Variants in CNNM2 observed in about 807,000 individuals in gnomAD.
CNNM2 encodes cyclin and CBS domain divalent metal cation transport mediator 2.
CNNM2 carries 12 observed loss-of-function variants against 66.9 expected under a neutral mutation model. That is an observed-to-expected ratio of 0.18 (90% CI 0.11 to 0.29). CNNM2 has a LOEUF of 0.29. Among genes scored for constraint, CNNM2 ranks in the 10% least tolerant of loss-of-function variants. CNNM2 has a pLI of 1.00. For missense variants in CNNM2, 705 were observed against 1,167.7 expected, an observed-to-expected ratio of 0.60 and a Z score of 5.77; for synonymous variants, 557 against 501.8, an observed-to-expected ratio of 1.11 and a Z score of -1.47.
At chr10:102,996,749 T>C (rs2064012077) in intron 1 of CNNM2, among the ~76,000 whole-genome samples, 1 of 152,254 alleles carries the variant, frequency 6.6e-6, no homozygotes, top group South Asian at 2.1e-4. Context: ...ATTTGCATTA[T>C]CATAATTACA....
intron 1 of CNNM2, among the ~76,000 whole-genome samples, chr10:102,954,211 T>C (rs1846951012): frequency 6.6e-6 from 1 of 150,500 alleles, no homozygotes; most frequent in East Asian, 2.0e-4. Flanking sequence ...CACTTTAGCC[T>C]CGACCTCCTG....
intron 1 of CNNM2, among the ~76,000 whole-genome samples, chr10:102,988,391 G>C (rs766921126): frequency 5.9e-5 from 9 of 152,152 alleles, no homozygotes; most frequent in Non-Finnish European, 8.8e-5. Flanking sequence ...ATACGTTTTA[G>C]ACTGAAACCT....
At chr10:102,934,227 TG>T in intron 1 of CNNM2, among the ~76,000 whole-genome samples, 1 of 151,800 alleles carries the variant, frequency 6.6e-6, no homozygotes, top group East Asian at 1.9e-4. Context: ...AAAATATGCC[TG>T]GCTGGAGCTT....
chr10:103,064,809 A>G (rs1590489520), intron 4 of CNNM2, among the ~76,000 whole-genome samples: 2 of 152,288 alleles, frequency 1.3e-5, no homozygotes, highest in South Asian at 4.1e-4. Context: ...GCGGTGAGCC[A>G]TGATTGCACC....
At chr10:103,050,536 CAA>C (rs572731260) in intron 2 of CNNM2, among the ~76,000 whole-genome samples, 22 of 100,080 alleles carry the variant, frequency 2.2e-4, no homozygotes, top group Admixed American at 2.0e-4. Flanking sequence ...GAGTCCACCT[CAA>C]AAAAAAAAAA....
chr10:103,057,343 C>A (rs1185210749), intron 4 of CNNM2, among the ~76,000 whole-genome samples: 1 of 151,912 alleles, frequency 6.6e-6, no homozygotes, highest in Non-Finnish European at 1.5e-5. Context: ...GTGGCATGCA[C>A]CTGTGGTCCC....
At chr10:103,072,982 G>A (rs1431524887) in intron 6 of CNNM2, among the ~76,000 whole-genome samples, 1 of 152,224 alleles carries the variant, frequency 6.6e-6, no homozygotes, top group East Asian at 1.9e-4. Context: ...GCCCCCAAGG[G>A]CTTCAGATGA....
intron 4 of CNNM2, among the ~76,000 whole-genome samples, chr10:103,064,833 C>CT (rs1397699712): frequency 1.3e-5 from 2 of 152,126 alleles, no homozygotes; most frequent in Non-Finnish European, 2.9e-5. Flanking sequence ...GCACTCCAGC[C>CT]TGGGTGACAG....
intron 1 of CNNM2, among the ~76,000 whole-genome samples, chr10:102,977,907 T>G (rs950431948): frequency 6.6e-6 from 1 of 151,996 alleles, no homozygotes; most frequent in African/African-American, 2.4e-5. Context: ...TCCTGGGACC[T>G]ATTTTGTTGT....
intron 1 of CNNM2, among the ~76,000 whole-genome samples, chr10:103,008,427 C>G (rs1380062154): frequency 6.6e-6 from 1 of 152,188 alleles, no homozygotes; most frequent in Admixed American, 6.5e-5. Context: ...GCTGTCACCA[C>G]TGTGTATAGA....
At chr10:103,066,561 T>C (rs1473962405) in intron 4 of CNNM2, among the ~76,000 whole-genome samples, 1 of 152,108 alleles carries the variant, frequency 6.6e-6, no homozygotes, top group Non-Finnish European at 1.5e-5. Flanking sequence ...GTGCCCTCAC[T>C]CCTCCCTGCA....
chr10:103,047,316 G>A (rs1191278473), intron 1 of CNNM2, among the ~76,000 whole-genome samples: 1 of 152,190 alleles, frequency 6.6e-6, no homozygotes, highest in African/African-American at 2.4e-5. Flanking sequence ...ACATTCTGCA[G>A]GAGGCCTGAC....
intron 1 of CNNM2, among the ~76,000 whole-genome samples, chr10:102,962,996 A>AT (rs1487277835): frequency 2.0e-5 from 3 of 152,140 alleles, no homozygotes; most frequent in Non-Finnish European, 4.4e-5. Context: ...GGAGCCATTC[A>AT]TTTTTTAAAA....
intron 1 of CNNM2, among the ~76,000 whole-genome samples, chr10:102,940,123 T>A (rs889834979): frequency 1.3e-5 from 2 of 152,140 alleles, no homozygotes. Flanking sequence ...TTTTTAAAAA[T>A]TTTTATTTTT....
chr10:103,074,629 T>TC (rs1490642156), intron 6 of CNNM2, among the ~76,000 whole-genome samples: 7 of 152,060 alleles, frequency 4.6e-5, no homozygotes, highest in African/African-American at 1.4e-4. Flanking sequence ...GCTCAGGAGT[T>TC]CAAGACCAGG....
chr10:102,980,646 C>G (rs983839234), intron 1 of CNNM2, among the ~76,000 whole-genome samples: 1 of 152,124 alleles, frequency 6.6e-6, no homozygotes, highest in African/African-American at 2.4e-5. Context: ...TCTCCCCACA[C>G]CACACATTCA....
intron 1 of CNNM2, among the ~76,000 whole-genome samples, chr10:102,926,777 A>C (rs1030255680): frequency 7.2e-6 from 1 of 138,510 alleles, no homozygotes; most frequent in Non-Finnish European, 1.5e-5. Flanking sequence ...GTGCAGTGGC[A>C]CGATATCGGC....
intron 2 of CNNM2, among the ~76,000 whole-genome samples, chr10:103,053,120 A>G (rs904105970): frequency 2.6e-5 from 4 of 152,330 alleles, no homozygotes; most frequent in Non-Finnish European, 5.9e-5. Flanking sequence ...GTTTTGCAGG[A>G]GTTACCTTCC....
chr10:103,042,400 A>G (rs1372278912), intron 1 of CNNM2, among the ~76,000 whole-genome samples: 2 of 152,028 alleles, frequency 1.3e-5, no homozygotes, highest in African/African-American at 2.4e-5. Flanking sequence ...CCTGTGTTAA[A>G]TGTCATCCCG....
Sources: gnomAD v4.1 joint callset for allele counts (sites outside exome capture counted in the v4.1 genomes callset) on GRCh38, gnomAD v4.1.1 for gene constraint, MANE v1.5 for transcripts, NCBI Gene and HGNC (gene_info 2026-07-23, HGNC 2026-07-21) for gene names.